The following NBEA variants were observed in gnomAD, a reference collection of about 807,000 sequenced individuals.
NBEA encodes lysosomal-trafficking regulator 2.
NBEA carries 44 observed loss-of-function variants against 343.4 expected under a neutral mutation model. The ratio of observed to expected loss-of-function variants is 0.13; its 90% CI spans 0.10 to 0.16. The LOEUF is 0.16. Among genes scored for constraint, NBEA ranks in the 10% least tolerant of loss-of-function variants. The probability of loss-of-function intolerance (pLI) is 1.00; values close to 1 mark genes in which losing one functional copy is unlikely to be tolerated. For missense variants in NBEA, 2,555 were observed against 3,631.3 expected (o/e 0.70, Z 7.62); for synonymous variants, 1,175 against 1,238.7 (o/e 0.95, Z 1.08).
In NBEA at chr13:35,649,749, A is replaced by G; in HGVS notation, c.7865A>G (p.His2622Arg). The G allele has an allele frequency of 6.2e-7, 1 of 1,613,962 alleles. No individual in the cohort carries two copies. Among genetic ancestry groups the G allele is most frequent in the Non-Finnish European group, 8.5e-7 (1 of 1,179,858 alleles). The change falls in exon 52 of 59, where the codon CAT (histidine) becomes CGT (arginine). Residue 2622 changes from histidine to arginine, a missense_variant. Physicochemically the swap from His to Arg is conservative, Grantham distance 29. Transcript: ENST00000379939. Reference protein sequence around the residue: ...LKFPSNSPVTHVAANTLPHLT... With the variant: ...LKFPSNSPVTRVAANTLPHLT... ...TTTCCTTCAAATTCTCCAGTAACCC[A>G]TGTGGCAGCCAACACTCTGCCCCAC... is the stretch of plus-strand genomic sequence containing the variant.
At chr13:35,137,389 G>T (rs545792822) in intron 17 of NBEA, among the ~76,000 whole-genome samples, 28 of 151,696 alleles carry the variant, frequency 1.8e-4, no homozygotes, top group African/African-American at 6.3e-4. Flanking sequence ...GGCGGAGCTT[G>T]CAGTAAGCCA....
chr13:35,287,715 G>T (rs1438407001), intron 34 of NBEA, among the ~76,000 whole-genome samples: 1 of 151,812 alleles, frequency 6.6e-6, no homozygotes, highest in Non-Finnish European at 1.5e-5. Context: ...ATCAAATATT[G>T]CCATCTTATT....
rs1339277921 is a variant in NBEA, at chr13:35,159,610, C to A, written c.3439C>A (p.Leu1147Ile). 1.2e-6 allele frequency: 2 copies of A among 1,611,526 alleles called. No individual in the cohort carries two copies. The highest frequency in any genetic ancestry group is 1.7e-5 in the Admixed American group (1 of 59,638). Residue 1147 changes from leucine to isoleucine, a missense_variant, in exon 22 of 59, where the codon CTC becomes ATC. Physicochemically the swap from Leu to Ile is conservative, Grantham distance 5 (BLOSUM62 2). Around this residue, in one of 21 missense-constraint regions of NBEA, gnomAD observed 367 missense variants for 377.5 expected, o/e 0.97. Coordinates refer to ENST00000379939, the MANE Select transcript of NBEA (RefSeq NM_001385012.1). ...EDLPNSSTSF[L>I]FDKIPKQEEK... Reference sequence around the variant, plus strand: ...CCTTCCCAATAGTAGTACATCATTTCTCTTTGATAAAATACCCAAACAGGA... The same window carrying A: ...CCTTCCCAATAGTAGTACATCATTTATCTTTGATAAAATACCCAAACAGGA...
intron 38 of NBEA, among the ~76,000 whole-genome samples, chr13:35,370,910 G>GTTT (rs35375856): frequency 3.3e-5 from 5 of 150,916 alleles, no homozygotes; most frequent in Non-Finnish European, 1.5e-5. Context: ...TCAGTTGGCA[G>GTTT]TTTTTTTTTT....
chr13:35,426,775 A>C (rs1343307519), intron 38 of NBEA, among the ~76,000 whole-genome samples: 1 of 152,176 alleles, frequency 6.6e-6, no homozygotes, highest in Non-Finnish European at 1.5e-5. Context: ...CATCACTTTC[A>C]GGTACACCAA....
intron 48 of NBEA, among the ~76,000 whole-genome samples, chr13:35,610,856 A>G (rs116644895): frequency 0.015 from 2,215 of 152,194 alleles, 54 homozygotes; most frequent in African/African-American, 0.05. Flanking sequence ...AAAATAAAAC[A>G]ATATTTAGAT....
At chr13:35,085,370 A>G (rs1248930414) in intron 10 of NBEA, among the ~76,000 whole-genome samples, 2 of 152,144 alleles carry the variant, frequency 1.3e-5, no homozygotes, top group African/African-American at 4.8e-5. Flanking sequence ...CAGCACATCA[A>G]AAAGCTTATC....
At chr13:35,482,733 A>C (rs538388150) in intron 41 of NBEA, among the ~76,000 whole-genome samples, 2 of 151,668 alleles carry the variant, frequency 1.3e-5, no homozygotes, top group Admixed American at 1.3e-4. Flanking sequence ...TTTTTAAGTT[A>C]GATATGTCGA....
At chr13:35,486,527 A>G (rs1257776285) in intron 41 of NBEA, among the ~76,000 whole-genome samples, 1 of 152,044 alleles carries the variant, frequency 6.6e-6, no homozygotes, top group African/African-American at 2.4e-5. Context: ...CACAACAAAT[A>G]TTAGCTCCCA....
chr13:35,280,052 G>A (rs2034938043), intron 34 of NBEA, among the ~76,000 whole-genome samples: 1 of 152,054 alleles, frequency 6.6e-6, no homozygotes, highest in Non-Finnish European at 1.5e-5. Context: ...GATTTTATTT[G>A]TGTGTATCTA....
At chr13:34,999,495 C>A (rs1354789718) in intron 1 of NBEA, among the ~76,000 whole-genome samples, 5 of 152,116 alleles carry the variant, frequency 3.3e-5, no homozygotes, top group Non-Finnish European at 7.4e-5. Context: ...TGCTTCTAGA[C>A]CACTTTTTTA....
chr13:35,128,502 G>A (rs750430027), intron 17 of NBEA, among the ~76,000 whole-genome samples: 6 of 152,142 alleles, frequency 3.9e-5, no homozygotes, highest in Non-Finnish European at 7.4e-5. Flanking sequence ...CTTGTGGGTC[G>A]GTGTGTAGGA....
intron 41 of NBEA, among the ~76,000 whole-genome samples, chr13:35,530,294 T>C (rs9565359): frequency 0.1 from 15,452 of 152,226 alleles, 1,084 homozygotes; most frequent in East Asian, 0.34. Flanking sequence ...TGTGATTAGA[T>C]TGGGGCTGAA....
rs540139395 is a variant in NBEA, at chr13:34,995,804, G to A, written c.295-45129G>A. On this transcript the variant is annotated intron_variant, in intron 1 of 58. Transcript: ENST00000379939. ...TTGGTCTGTTGGGCTCAGTACAGGA[G>A]CCTAGTCCAAATCAATGGCCTCCTG... 2.0e-4 allele frequency among the ~76,000 whole-genome samples: 30 copies of A among 152,326 alleles called. No homozygotes were observed. The South Asian group carries it at 6.2e-3, about 32-fold the overall frequency.
chr13:35,665,125 C>T lies in NBEA; in HGVS notation c.8403C>T (p.Asp2801=), dbSNP rs140585426. 1.1e-4 allele frequency: 177 copies of T among 1,587,578 alleles called. 2 individuals are homozygous for T. In the East Asian group the frequency reaches 4.0e-3, roughly 36 times the overall value. ...PAPRAVLTGH[D]HEVVCVSVCA... is the part of the protein sequence containing the mutation. ...CAAGAGCCGTCCTCACAGGCCATGA[C>T]CATGAAGTTGTCTGTGTTTCTGTCT... is the stretch of plus-strand genomic sequence containing the variant. The change falls in exon 56 of 59, where the codon GAC becomes GAT. Residue 2801 remains aspartate, a synonymous_variant. Transcript: ENST00000379939.
intron 34 of NBEA, among the ~76,000 whole-genome samples, chr13:35,239,119 T>G (rs979111712): frequency 2.6e-5 from 4 of 152,132 alleles, no homozygotes; most frequent in Non-Finnish European, 5.9e-5. Flanking sequence ...GCTGGCATAA[T>G]TTTTAAATAT....
chr13:35,236,782 C>G (rs529418848), intron 34 of NBEA, among the ~76,000 whole-genome samples: 1 of 151,740 alleles, frequency 6.6e-6, no homozygotes, highest in Admixed American at 6.6e-5. Context: ...TTAAATCTCC[C>G]CAAATTATAC....
chr13:35,140,187 T>C (rs2068010772), intron 17 of NBEA, among the ~76,000 whole-genome samples: 1 of 151,938 alleles, frequency 6.6e-6, no homozygotes, highest in East Asian at 1.9e-4. Flanking sequence ...ATTTTTTTTT[T>C]TTTTTAAGTA....
chr13:35,046,098 A>G (rs2062844672), intron 4 of NBEA, among the ~76,000 whole-genome samples: 2 of 151,858 alleles, frequency 1.3e-5, no homozygotes, highest in African/African-American at 4.8e-5. Flanking sequence ...TTGTAGTTTT[A>G]ATTACTGTTT....
Sources: gnomAD v4.1 joint callset for allele counts (sites outside exome capture counted in the v4.1 genomes callset) on GRCh38, gnomAD v4.1.1 for gene constraint, gnomAD v4.1.1 regional missense constraint, MANE v1.5 for transcripts, NCBI Gene and HGNC (gene_info 2026-07-23, HGNC 2026-07-21) for gene names.